Variants in ZNF804B observed in about 807,000 individuals in gnomAD.
The protein encoded by ZNF804B is zinc finger protein 804B, also known as zinc finger 804B.
Under a neutral mutation model 101.4 loss-of-function variants are expected in ZNF804B, and 80 were observed. The observed-to-expected ratio is 0.79, with a 90% confidence interval of 0.66 to 0.95. The LOEUF (loss-of-function observed/expected upper bound fraction) is 0.95, where lower values mean the gene tolerates loss of function less well. Among genes scored for constraint, ZNF804B ranks in the 40% least tolerant of loss-of-function variants. The pLI, the probability that ZNF804B is intolerant of heterozygous loss-of-function variation, is 0.00. For missense variants in ZNF804B, 1,673 were observed against 1,561.9 expected (o/e 1.07, Z -1.20); for synonymous variants, 622 against 558.8 (o/e 1.11, Z -1.59).
At chr7:89,332,969 A>T (rs11981277) in intron 3 of ZNF804B, among the ~76,000 whole-genome samples, 14,156 of 151,916 alleles carry the variant, frequency 0.093, 955 homozygotes, top group African/African-American at 0.19. Context: ...TTATATTTTT[A>T]AAGTGGCTTT....
chr7:89,324,857 C>T (rs1790875445), intron 2 of ZNF804B, among the ~76,000 whole-genome samples: 1 of 151,668 alleles, frequency 6.6e-6, no homozygotes, highest in African/African-American at 2.4e-5. Context: ...ATACATATCC[C>T]AGTGTTTGGT....
intron 1 of ZNF804B, among the ~76,000 whole-genome samples, chr7:88,931,229 T>G (rs1792880165): frequency 6.6e-6 from 1 of 151,936 alleles, no homozygotes; most frequent in Non-Finnish European, 1.5e-5. Context: ...GATCTAAATT[T>G]AAGAACAAAT....
At chr7:89,021,898 C>T (rs1447182961) in intron 1 of ZNF804B, among the ~76,000 whole-genome samples, 1 of 152,146 alleles carries the variant, frequency 6.6e-6, no homozygotes, top group Non-Finnish European at 1.5e-5. Context: ...ATGGGGAATT[C>T]ACACCTTGTT....
chr7:89,277,712 G>A (rs924659186), intron 2 of ZNF804B, among the ~76,000 whole-genome samples: 11 of 151,550 alleles, frequency 7.3e-5, no homozygotes, highest in Non-Finnish European at 7.4e-5. Flanking sequence ...GTATTCCATG[G>A]TGTATATGTG....
chr7:89,230,181 A>T (rs943018247), intron 2 of ZNF804B, among the ~76,000 whole-genome samples: 1 of 152,048 alleles, frequency 6.6e-6, no homozygotes, highest in African/African-American at 2.4e-5. Flanking sequence ...TAGAGCAGAA[A>T]TCAATAACAC....
intron 1 of ZNF804B, among the ~76,000 whole-genome samples, chr7:88,979,232 C>T (rs566851524): frequency 3.4e-4 from 52 of 152,028 alleles, no homozygotes; most frequent in Non-Finnish European, 5.9e-4. Context: ...CAGTGTTGTA[C>T]AAAACACCCA....
At chr7:88,852,396 G>A (rs1238859405) in intron 1 of ZNF804B, among the ~76,000 whole-genome samples, 1 of 151,990 alleles carries the variant, frequency 6.6e-6, no homozygotes, top group East Asian at 1.9e-4. Context: ...GACTGATTAA[G>A]GCCCTAGAAG....
intron 1 of ZNF804B, among the ~76,000 whole-genome samples, chr7:89,073,146 A>G (rs1789567268): frequency 6.6e-6 from 1 of 152,196 alleles, no homozygotes; most frequent in Non-Finnish European, 1.5e-5. Flanking sequence ...TACCTGAAAT[A>G]AATTAGTGAG....
At chr7:89,269,306 A>G (rs1789846936) in intron 2 of ZNF804B, among the ~76,000 whole-genome samples, 2 of 151,942 alleles carry the variant, frequency 1.3e-5, no homozygotes, top group African/African-American at 4.8e-5. Flanking sequence ...GAGTGAGAAC[A>G]TGTTGTGTTT....
intron 1 of ZNF804B, among the ~76,000 whole-genome samples, chr7:89,134,007 G>C (rs1790592417): frequency 6.6e-6 from 1 of 151,994 alleles, no homozygotes; most frequent in East Asian, 1.9e-4. Context: ...GATGAAAGTG[G>C]ATTACTCCTT....
Position 89,308,212 on chromosome 7 carries a change from G to A in ZNF804B, c.250-19132G>A, listed in dbSNP as rs73384378. On this transcript the variant is annotated intron_variant, in intron 2 of 3. Transcript: ENST00000333190. ...GTACCTTCATGCAAAAATAGGTAAG[G>A]CATTAGAAAAGACGATGAATCTCTC... 3.5e-3 allele frequency among the ~76,000 whole-genome samples: 536 copies of A among 152,152 alleles called. 5 individuals carry two copies. The highest frequency in any genetic ancestry group is 0.012 in the African/African-American group (513 of 41,538).
chr7:89,310,144 T>C (rs1319512695), intron 2 of ZNF804B, among the ~76,000 whole-genome samples: 2 of 151,440 alleles, frequency 1.3e-5, no homozygotes, highest in Non-Finnish European at 2.9e-5. Flanking sequence ...CTTCATGGAA[T>C]GCAGTTCTGA....
intron 1 of ZNF804B, among the ~76,000 whole-genome samples, chr7:88,877,043 ATATATATTTT>A (rs1791960359): frequency 2.4e-5 from 1 of 41,806 alleles, no homozygotes; most frequent in South Asian, 8.6e-4. Context: ...ATATATATAT[ATATATATTTT>A]TTTTTTTTTT....
chr7:89,296,813 A>G (rs1790391525), intron 2 of ZNF804B, among the ~76,000 whole-genome samples: 1 of 152,066 alleles, frequency 6.6e-6, no homozygotes, highest in Admixed American at 6.6e-5. Context: ...GTAATTCTGT[A>G]ACACTTTCTG....
intron 2 of ZNF804B, among the ~76,000 whole-genome samples, chr7:89,299,080 C>T (rs972443000): frequency 1.6e-4 from 24 of 151,942 alleles, no homozygotes; most frequent in African/African-American, 5.6e-4. Context: ...ATAGATATTC[C>T]ATCCTTCTTT....
chr7:89,236,902 G>T (rs866650695), intron 2 of ZNF804B, among the ~76,000 whole-genome samples: 4 of 151,884 alleles, frequency 2.6e-5, no homozygotes, highest in Admixed American at 2.0e-4. Flanking sequence ...TTATTTTTCA[G>T]ATTTTACATG....
At chr7:89,269,101 A>G (rs953324710) in intron 2 of ZNF804B, among the ~76,000 whole-genome samples, 1 of 152,104 alleles carries the variant, frequency 6.6e-6, no homozygotes, top group African/African-American at 2.4e-5. Context: ...TCTAGGGTAC[A>G]TGTGCACAAC....
intron 2 of ZNF804B, among the ~76,000 whole-genome samples, chr7:89,248,815 C>T (rs1306041073): frequency 6.6e-6 from 1 of 151,954 alleles, no homozygotes; most frequent in Non-Finnish European, 1.5e-5. Context: ...GCTAAATGCC[C>T]CCCTTGAAAG....
intron 1 of ZNF804B, among the ~76,000 whole-genome samples, chr7:88,846,811 T>C (rs1791379478): frequency 6.6e-6 from 1 of 152,082 alleles, no homozygotes; most frequent in South Asian, 2.1e-4. Flanking sequence ...TATGTCTACA[T>C]GTGAGACTAC....
Sources: gnomAD v4.1 joint callset for allele counts (sites outside exome capture counted in the v4.1 genomes callset) on GRCh38, gnomAD v4.1.1 for gene constraint, MANE v1.5 for transcripts, NCBI Gene and HGNC (gene_info 2026-07-23, HGNC 2026-07-21) for gene names.